C14orf132: variants seen among roughly 807,000 people sequenced by gnomAD.
C14orf132 encodes the protein chromosome 14 open reading frame 132.
C14orf132 carries 6 observed loss-of-function variants against 5.8 expected under a neutral mutation model. The observed-to-expected ratio is 1.03, with a 90% CI of 0.57 to 2.04. The LOEUF (loss-of-function observed/expected upper bound fraction) is 2.04. Among genes scored for constraint, C14orf132 ranks in the 30% most tolerant of loss-of-function variants. The probability of loss-of-function intolerance (pLI) is 0.00; values close to 1 mark genes in which losing one functional copy is unlikely to be tolerated. For missense variants in C14orf132, 125 were observed against 115.8 expected, an observed-to-expected ratio of 1.08 and a Z score of -0.37; for synonymous variants, 51 against 49.8, an observed-to-expected ratio of 1.02 and a Z score of -0.10.
At chr14:96,048,538 T>G (rs1886898666) in intron 1 of C14orf132, among the ~76,000 whole-genome samples, 1 of 152,180 alleles carries the variant, frequency 6.6e-6, no homozygotes, top group Non-Finnish European at 1.5e-5. Flanking sequence ...ATTTTTTATA[T>G]TTTTGAGATG....
At chr14:96,070,767 C>T (rs1763977342) in intron 1 of C14orf132, among the ~76,000 whole-genome samples, 1 of 152,140 alleles carries the variant, frequency 6.6e-6, no homozygotes, top group African/African-American at 2.4e-5. Context: ...GAGTCATTGG[C>T]AGTTCTGAAG....
intron 1 of C14orf132, among the ~76,000 whole-genome samples, chr14:96,070,612 A>T (rs1183627281): frequency 2.6e-5 from 4 of 151,164 alleles, no homozygotes; most frequent in African/African-American, 9.8e-5. Context: ...ACACACACAC[A>T]CACACACACA....
chr14:96,046,397 C>G (rs747286097), intron 1 of C14orf132, among the ~76,000 whole-genome samples: 1 of 145,592 alleles, frequency 6.9e-6, no homozygotes, highest in Non-Finnish European at 1.5e-5. Context: ...TAGAGCTTGG[C>G]AAAACCTTAA....
chr14:96,080,479 C>T lies in C14orf132; in HGVS notation c.28-6032C>T, dbSNP rs117257040. Reference sequence around the variant, plus strand: ...GTGGCCCCCGTATCACAAGCCATCACAATCACCCTTCTATTGTTTTGTGTT... The same window carrying T: ...GTGGCCCCCGTATCACAAGCCATCATAATCACCCTTCTATTGTTTTGTGTT... On this transcript the variant is annotated intron_variant, in intron 1 of 1. Coordinates refer to ENST00000555004, the MANE Select transcript of C14orf132 (RefSeq NM_001252507.3). Among the ~76,000 whole-genome samples the T allele has an allele frequency of 6.4e-3, 979 of 152,356 alleles. 5 individuals carry two copies. The highest frequency in any genetic ancestry group is 0.011 in the Non-Finnish European group (731 of 68,042).
At chr14:96,072,176 C>T (rs1033294369) in intron 1 of C14orf132, among the ~76,000 whole-genome samples, 2 of 152,232 alleles carry the variant, frequency 1.3e-5, no homozygotes, top group South Asian at 2.1e-4. Flanking sequence ...GGAGAGTTGT[C>T]GCATGTTCTG....
chr14:96,056,114 T>C (rs1441336139), intron 1 of C14orf132, among the ~76,000 whole-genome samples: 1 of 152,234 alleles, frequency 6.6e-6, no homozygotes, highest in Non-Finnish European at 1.5e-5. Flanking sequence ...TTTGGATAGC[T>C]TGAGCCTCTC....
At chr14:96,048,907 C>G (rs1309272984) in intron 1 of C14orf132, among the ~76,000 whole-genome samples, 1 of 152,144 alleles carries the variant, frequency 6.6e-6, no homozygotes, top group Non-Finnish European at 1.5e-5. Flanking sequence ...TATTGAAGAA[C>G]TTCTTGTTTG....
At position 96,062,566 on chromosome 14, in the gene C14orf132, T is replaced by C. The variant is rs75892333; in HGVS notation, c.27+23039T>C. On this transcript the variant is annotated intron_variant, in intron 1 of 1. Transcript: ENST00000555004. ...GAAACACCAGCACTGCCTGTTTCAA[T>C]TGGAAAGGAGGCATTTCCTGCCTCT... 7.0e-3 allele frequency among the ~76,000 whole-genome samples: 1,073 copies of C among 152,282 alleles called. 8 individuals carry two copies. Among genetic ancestry groups the C allele is most frequent in the African/African-American group, 0.025 (1,023 of 41,524 alleles).
chr14:96,062,075 C>T (rs990761217), intron 1 of C14orf132, among the ~76,000 whole-genome samples: 1 of 152,100 alleles, frequency 6.6e-6, no homozygotes, highest in South Asian at 2.1e-4. Flanking sequence ...GAGGATAAAC[C>T]CTCTATCCAG....
At chr14:96,068,724 C>T (rs2139666860) in intron 1 of C14orf132, among the ~76,000 whole-genome samples, 1 of 152,252 alleles carries the variant, frequency 6.6e-6, no homozygotes, top group East Asian at 1.9e-4. Context: ...GCTCTTGTCA[C>T]CTTTAGCATG....
chr14:96,086,479 C>T (rs773241789), intron 1 of C14orf132, 32 bp from the exon 2 acceptor site: 117 of 1,525,476 alleles, frequency 7.7e-5, no homozygotes, highest in Non-Finnish European at 9.9e-5. Flanking sequence ...GCCCCCATGG[C>T]CCTGGATAAT....
intron 1 of C14orf132, among the ~76,000 whole-genome samples, chr14:96,070,596 T>TCA (rs77447486): frequency 0.012 from 1,660 of 142,630 alleles, 14 homozygotes; most frequent in African/African-American, 0.033. Flanking sequence ...TCTCTCTCTC[T>TCA]CACACACACA....
intron 1 of C14orf132, among the ~76,000 whole-genome samples, chr14:96,067,901 C>T (rs1887579278): frequency 1.3e-5 from 2 of 152,064 alleles, no homozygotes; most frequent in Admixed American, 6.5e-5. Flanking sequence ...GTTATGTCTT[C>T]TTTACTATGT....
intron 1 of C14orf132, among the ~76,000 whole-genome samples, chr14:96,064,545 G>A (rs1004536377): frequency 2.0e-5 from 3 of 151,866 alleles, no homozygotes; most frequent in Non-Finnish European, 4.4e-5. Flanking sequence ...TGAGATTGGA[G>A]ACTCTTATTC....
At chr14:96,044,170 T>C (rs1886773111) in intron 1 of C14orf132, among the ~76,000 whole-genome samples, 1 of 152,154 alleles carries the variant, frequency 6.6e-6, no homozygotes, top group Non-Finnish European at 1.5e-5. Flanking sequence ...TTTATTTTAT[T>C]ATCATTATTC....
intron 1 of C14orf132, among the ~76,000 whole-genome samples, 157 bp from the exon 2 acceptor site, chr14:96,086,354 A>G (rs1009428558): frequency 4.6e-5 from 7 of 152,216 alleles, no homozygotes; most frequent in Non-Finnish European, 8.8e-5. Flanking sequence ...ATAAATTACC[A>G]TCAATGATAA....
intron 1 of C14orf132, among the ~76,000 whole-genome samples, chr14:96,060,871 C>T (rs564956069): frequency 6.6e-6 from 1 of 152,278 alleles, no homozygotes; most frequent in African/African-American, 2.4e-5. Context: ...TAAAGGGTTC[C>T]CTGAGCCCTG....
chr14:96,073,619 G>C (rs1245875694), intron 1 of C14orf132, among the ~76,000 whole-genome samples: 1 of 152,214 alleles, frequency 6.6e-6, no homozygotes, highest in Non-Finnish European at 1.5e-5. Flanking sequence ...TTGGAAGACT[G>C]TGTGGCAGTT....
chr14:96,052,005 C>T (rs369682150), intron 1 of C14orf132, among the ~76,000 whole-genome samples: 3 of 152,236 alleles, frequency 2.0e-5, no homozygotes, highest in Non-Finnish European at 2.9e-5. Context: ...TTCTGTGCTG[C>T]GTGGGCAGCC....
Sources: allele counts gnomAD v4.1 joint callset (sites outside exome capture counted in the v4.1 genomes callset), GRCh38; gene constraint gnomAD v4.1.1; transcripts MANE v1.5; gene names NCBI Gene and HGNC (gene_info 2026-07-23, HGNC 2026-07-21).